UBE2E2: variants seen among roughly 807,000 people sequenced by gnomAD.
UBE2E2 encodes ubiquitin-conjugating enzyme E2 E2.
In UBE2E2, 6 loss-of-function variants were observed where a neutral mutation model predicts 24.7. The observed-to-expected ratio is 0.24, with a 90% confidence interval of 0.13 to 0.48. The LOEUF (loss-of-function observed/expected upper bound fraction) is 0.48, where lower values mean the gene tolerates loss of function less well. UBE2E2 is among the 20% of genes least tolerant of loss of function. The pLI is 0.99. For synonymous variants in UBE2E2, 104 were observed against 83.6 expected, an observed-to-expected ratio of 1.24 and a Z score of -1.33; for missense variants, 169 against 245.0, an observed-to-expected ratio of 0.69 and a Z score of 2.07.
chr3:23,462,088 A>G (rs919501991), intron 3 of UBE2E2, among the ~76,000 whole-genome samples: 2 of 152,168 alleles, frequency 1.3e-5, no homozygotes, highest in African/African-American at 2.4e-5. Flanking sequence ...ATATAAGGTT[A>G]ATATCATTCA....
intron 5 of UBE2E2, among the ~76,000 whole-genome samples, chr3:23,545,356 G>A (rs1695497696): frequency 6.6e-6 from 1 of 152,184 alleles, no homozygotes; most frequent in Admixed American, 6.5e-5. Context: ...GTGTCCCTGG[G>A]TACTTGAGAT....
intron 3 of UBE2E2, among the ~76,000 whole-genome samples, chr3:23,355,764 G>C (rs1695927214): frequency 1.3e-5 from 2 of 152,174 alleles, no homozygotes; most frequent in Non-Finnish European, 2.9e-5. Flanking sequence ...GAGCAATACT[G>C]TCATTCCTCC....
At chr3:23,392,138 G>A (rs942172559) in intron 3 of UBE2E2, among the ~76,000 whole-genome samples, 4 of 152,110 alleles carry the variant, frequency 2.6e-5, no homozygotes, top group Admixed American at 2.0e-4. Flanking sequence ...TTGAAAAAGT[G>A]GAGTCTGTTA....
At chr3:23,402,013 C>T (rs1697236324) in intron 3 of UBE2E2, among the ~76,000 whole-genome samples, 1 of 151,956 alleles carries the variant, frequency 6.6e-6, no homozygotes, top group South Asian at 2.1e-4. Flanking sequence ...TGCACTACCA[C>T]GCCCGGCTAA....
chr3:23,247,638 G>A (rs1575501594), intron 3 of UBE2E2, among the ~76,000 whole-genome samples: 1 of 152,086 alleles, frequency 6.6e-6, no homozygotes, highest in East Asian at 1.9e-4. Flanking sequence ...ACAGGTGTGA[G>A]GTATTATTTT....
At chr3:23,277,258 T>C (rs1051534182) in intron 3 of UBE2E2, among the ~76,000 whole-genome samples, 2 of 152,182 alleles carry the variant, frequency 1.3e-5, no homozygotes, top group African/African-American at 4.8e-5. Context: ...CAGTGACATA[T>C]AAAGCTATTG....
At chr3:23,400,017 A>G (rs1000780048) in intron 3 of UBE2E2, among the ~76,000 whole-genome samples, 1 of 152,172 alleles carries the variant, frequency 6.6e-6, no homozygotes, top group African/African-American at 2.4e-5. Flanking sequence ...AGAGCATGAA[A>G]AAAGCAAACT....
intron 3 of UBE2E2, among the ~76,000 whole-genome samples, chr3:23,220,085 A>T (rs1280567065): frequency 6.6e-6 from 1 of 152,218 alleles, no homozygotes; most frequent in Non-Finnish European, 1.5e-5. Context: ...AAAGAAGTTG[A>T]GACTATCAAG....
intron 3 of UBE2E2, among the ~76,000 whole-genome samples, chr3:23,274,147 C>T (rs1315281075): frequency 6.6e-6 from 1 of 152,150 alleles, no homozygotes; most frequent in Non-Finnish European, 1.5e-5. Flanking sequence ...ATATGTGTTG[C>T]TGATTTCTGA....
chr3:23,507,716 G>C (rs1694488905), intron 4 of UBE2E2, among the ~76,000 whole-genome samples: 1 of 152,094 alleles, frequency 6.6e-6, no homozygotes, highest in Non-Finnish European at 1.5e-5. Flanking sequence ...ACTTGTTCCT[G>C]GATTATACAC....
intron 3 of UBE2E2, among the ~76,000 whole-genome samples, chr3:23,477,505 G>A (rs1375014171): frequency 6.6e-6 from 1 of 152,164 alleles, no homozygotes; most frequent in African/African-American, 2.4e-5. Flanking sequence ...TAGGATATAA[G>A]TTCCATGAAA....
intron 3 of UBE2E2, among the ~76,000 whole-genome samples, chr3:23,434,981 A>G (rs1033120349): frequency 4.6e-5 from 7 of 152,224 alleles, no homozygotes; most frequent in Admixed American, 3.3e-4. Flanking sequence ...AGTATTTAGT[A>G]TCTGGAAAGC....
chr3:23,315,048 CCT>C (rs1694532120), intron 3 of UBE2E2, among the ~76,000 whole-genome samples: 1 of 152,120 alleles, frequency 6.6e-6, no homozygotes, highest in African/African-American at 2.4e-5. Flanking sequence ...TCTACCTCTA[CCT>C]CTCTCTCTTT....
chr3:23,214,262 T>A (rs1345019777), intron 2 of UBE2E2, among the ~76,000 whole-genome samples: 5 of 151,838 alleles, frequency 3.3e-5, no homozygotes, highest in African/African-American at 1.2e-4. Flanking sequence ...ATTTATCAGT[T>A]TTTTTTCCCT....
intron 5 of UBE2E2, among the ~76,000 whole-genome samples, chr3:23,555,440 A>G (rs1357839527): frequency 6.6e-6 from 1 of 152,198 alleles, no homozygotes; most frequent in Non-Finnish European, 1.5e-5. Context: ...ATAGATTGGT[A>G]CAGCCCTGAG....
intron 5 of UBE2E2, among the ~76,000 whole-genome samples, chr3:23,586,335 C>T (rs1696625154): frequency 6.6e-6 from 1 of 152,166 alleles, no homozygotes; most frequent in Non-Finnish European, 1.5e-5. Flanking sequence ...TGCTCTGTCA[C>T]CCAGGCTGGA....
At chr3:23,452,198 C>T (rs965787905) in intron 3 of UBE2E2, among the ~76,000 whole-genome samples, 16 of 152,232 alleles carry the variant, frequency 1.1e-4, no homozygotes, top group African/African-American at 3.9e-4. Flanking sequence ...GTTCTATATC[C>T]ACTGGTGAAT....
intron 3 of UBE2E2, chr3:23,323,695 T>C (rs1014244557): frequency 4.3e-6 from 1 of 233,566 alleles, no homozygotes; most frequent in African/African-American, 2.4e-5. Context: ...GTTAAACTTC[T>C]CTGAATGCCA....
chr3:23,212,441 C>G (rs1307964524), intron 2 of UBE2E2, among the ~76,000 whole-genome samples: 1 of 152,100 alleles, frequency 6.6e-6, no homozygotes, highest in Non-Finnish European at 1.5e-5. Flanking sequence ...TTCAATAAAA[C>G]GTCTATTTTG....
Sources: gnomAD v4.1 joint callset for allele counts (sites outside exome capture counted in the v4.1 genomes callset) on GRCh38, gnomAD v4.1.1 for gene constraint, MANE v1.5 for transcripts, NCBI Gene and HGNC (gene_info 2026-07-23, HGNC 2026-07-21) for gene names.